Variants in HADHB observed in about 807,000 individuals in gnomAD.
HADHB encodes hydroxyacyl-CoA dehydrogenase trifunctional multienzyme complex subunit beta.
HADHB carries 50 observed loss-of-function variants against 61.9 expected under a neutral mutation model. The observed-to-expected ratio is 0.81, with a 90% CI of 0.64 to 1.02. The LOEUF (loss-of-function observed/expected upper bound fraction) is 1.02. Ranked by LOEUF, HADHB falls within the 50% of genes least tolerant of loss-of-function variation. The pLI is 0.00. For missense variants in HADHB, 504 were observed against 586.5 expected (o/e 0.86, Z 1.45); for synonymous variants, 191 against 201.6 (o/e 0.95, Z 0.45).
chr2:26,283,199 ATTGGT>A, intron 12 of HADHB, 148 bp downstream of exon 12: 1 of 715,764 alleles, frequency 1.4e-6, no homozygotes, highest in Non-Finnish European at 2.5e-6. Context: ...TGAGTTCATA[ATTGGT>A]TTATGTGGTG....
chr2:26,251,296 C>T (rs1671389037), intron 1 of HADHB, among the ~76,000 whole-genome samples: 1 of 151,938 alleles, frequency 6.6e-6, no homozygotes, highest in African/African-American at 2.4e-5. Flanking sequence ...GGGTGCTCCT[C>T]CCACCTCAGC....
chr2:26,252,164 C>T (rs942009303), intron 1 of HADHB, among the ~76,000 whole-genome samples: 1 of 152,176 alleles, frequency 6.6e-6, no homozygotes, highest in African/African-American at 2.4e-5. Context: ...AGAGAGACCA[C>T]GACAGATGCT....
At chr2:26,249,465 C>T (rs867346895) in intron 1 of HADHB, among the ~76,000 whole-genome samples, 5 of 152,064 alleles carry the variant, frequency 3.3e-5, no homozygotes, top group Admixed American at 1.3e-4. Context: ...GAGCCAAGAT[C>T]GCGCCGCTGT....
At chr2:26,265,196 T>C (rs916137636) in intron 4 of HADHB, among the ~76,000 whole-genome samples, 1 of 152,104 alleles carries the variant, frequency 6.6e-6, no homozygotes, top group Non-Finnish European at 1.5e-5. Context: ...AGCAATAAAA[T>C]AGAAAAAGTT....
chr2:26,259,558 A>G (rs57933531), intron 3 of HADHB, among the ~76,000 whole-genome samples: 1,884 of 152,190 alleles, frequency 0.012, 40 homozygotes, highest in African/African-American at 0.042. Context: ...GCCTTCAGCT[A>G]TTCTCCCCCA....
chr2:26,288,339 A>G (rs139943441), intron 15 of HADHB, among the ~76,000 whole-genome samples: 1 of 152,270 alleles, frequency 6.6e-6, no homozygotes, highest in East Asian at 1.9e-4. Flanking sequence ...CCTTATTATG[A>G]ATTCTTTCAG....
In HADHB at chr2:26,263,499, A is replaced by G. The variant is rs1408187233; in HGVS notation, c.209+20A>G. On this transcript the variant is annotated intron_variant, in intron 4 of 15. Coordinates refer to ENST00000317799, the MANE Select transcript of HADHB (RefSeq NM_000183.3). ...CACTTCGTAAGTATGACATGATCATATTATTTTTTTCCTTCTTTTAAGACA... is the reference window on the plus strand; with the variant it reads ...CACTTCGTAAGTATGACATGATCATGTTATTTTTTTCCTTCTTTTAAGACA... 3.5e-6 allele frequency: 5 copies of G among 1,442,242 alleles called. No homozygotes were observed. The highest frequency in any genetic ancestry group is 1.7e-5 in the Admixed American group (1 of 59,762). 89.3% of individuals were successfully genotyped at this position (1,442,242 alleles called of 1,614,324 possible).
intron 3 of HADHB, 98 bp from the exon 4 acceptor site, chr2:26,263,282 G>A: frequency 1.4e-6 from 1 of 704,278 alleles, no homozygotes; most frequent in Admixed American, 2.4e-5. Flanking sequence ...CTGGGTGACA[G>A]AGCGAGACTC....
chr2:26,285,659 A>G, intron 15 of HADHB, 88 bp downstream of exon 15: 3 of 1,010,018 alleles, frequency 3.0e-6, no homozygotes, highest in Non-Finnish European at 4.4e-6. Context: ...ACCTTCTTAA[A>G]GCAATATTTT....
intron 1 of HADHB, among the ~76,000 whole-genome samples, chr2:26,252,727 C>T (rs1399237964): frequency 1.3e-5 from 2 of 152,158 alleles, no homozygotes; most frequent in Admixed American, 1.3e-4. Context: ...GGTTTACTTA[C>T]CCATTTTCCT....
At chr2:26,270,749 A>C (rs570524195) in intron 5 of HADHB, among the ~76,000 whole-genome samples, 1 of 152,016 alleles carries the variant, frequency 6.6e-6, no homozygotes. Flanking sequence ...ATCCTTTCTC[A>C]GTCCTCTGTC....
At chr2:26,283,072 T>C (rs781562716) in intron 12 of HADHB, 21 bp downstream of exon 12, 1 of 1,518,756 alleles carries the variant, frequency 6.6e-7, no homozygotes, top group South Asian at 1.1e-5. Flanking sequence ...GTTTGTATCC[T>C]TGGACTATAA....
chr2:26,280,256 C>T (rs1240817601), intron 10 of HADHB, 141 bp downstream of exon 10: 1 of 729,760 alleles, frequency 1.4e-6, no homozygotes, highest in East Asian at 2.7e-5. Flanking sequence ...AAAGTGGAGT[C>T]ATTAAAAAAA....
At chr2:26,250,370 T>C (rs1279475931) in intron 1 of HADHB, among the ~76,000 whole-genome samples, 1 of 152,252 alleles carries the variant, frequency 6.6e-6, no homozygotes, top group Non-Finnish European at 1.5e-5. Flanking sequence ...CTGTTTTACA[T>C]GTTACAAATA....
At chr2:26,266,685 G>A (rs907975744) in intron 4 of HADHB, among the ~76,000 whole-genome samples, 3 of 151,738 alleles carry the variant, frequency 2.0e-5, no homozygotes, top group Non-Finnish European at 2.9e-5. Context: ...TTTGAGACCA[G>A]CCTGGCCAAC....
Position 26,273,732 on chromosome 2 carries a change from A to G in HADHB, c.336A>G (p.Thr112=). ...GTACAGTTATTCAGGAAGTGAAAAC[A>G]AGCAATGTGGCTAGAGAGGTGAGTA... ...IFGTVIQEVK[T]SNVAREAALG... is the part of the protein sequence containing the mutation. The change falls in exon 6 of 16, where the codon ACA becomes ACG. Residue 112 remains threonine, a synonymous_variant. Coordinates refer to ENST00000317799, the MANE Select transcript of HADHB (RefSeq NM_000183.3). 1 of 1,588,104 alleles carries G rather than the reference A, an allele frequency of 6.3e-7. No individual in the cohort carries two copies. Among genetic ancestry groups the G allele is most frequent in the Admixed American group, 1.7e-5 (1 of 59,992 alleles).
At chr2:26,279,363 C>A in intron 9 of HADHB, 48 bp downstream of exon 9, 2 of 1,318,176 alleles carry the variant, frequency 1.5e-6, no homozygotes, top group South Asian at 1.2e-5. Flanking sequence ...CTGAATTGCT[C>A]CTAAAACTCA....
In HADHB at chr2:26,272,686, T is replaced by C. The variant is rs1672393611; in HGVS notation, c.255-965T>C. The stretch of plus-strand genomic sequence containing the variant: ...TTTGTCTTTGAGTGCTTCCTTACTT[T>C]TGGCACAAAAAAGATGGAAATTCAC... On this transcript the variant is annotated intron_variant, in intron 5 of 15. Transcript: ENST00000317799. Among the ~76,000 whole-genome samples, 4 of 152,092 alleles carry C rather than the reference T, an allele frequency of 2.6e-5. No homozygotes were observed. The South Asian group carries it at 8.3e-4, about 32-fold the overall frequency.
intron 5 of HADHB, among the ~76,000 whole-genome samples, chr2:26,272,448 C>G (rs1672383685): frequency 6.6e-6 from 1 of 151,290 alleles, no homozygotes; most frequent in Non-Finnish European, 1.5e-5. Context: ...CAGGTTCAAG[C>G]AATTCTCCTG....
Sources: allele counts gnomAD v4.1 joint callset (sites outside exome capture counted in the v4.1 genomes callset), GRCh38; gene constraint gnomAD v4.1.1; transcripts MANE v1.5; gene names NCBI Gene and HGNC (gene_info 2026-07-23, HGNC 2026-07-21).